Variants in PTPRU observed in about 807,000 individuals in gnomAD.
The protein encoded by PTPRU is protein tyrosine phosphatase receptor type U.
Under a neutral mutation model 166.3 loss-of-function variants are expected in PTPRU, and 69 were observed. That is an observed-to-expected ratio of 0.41 (90% CI 0.34 to 0.51). PTPRU has a LOEUF of 0.51. PTPRU is among the 20% of genes least tolerant of loss of function. The pLI is 0.09. For missense variants in PTPRU, 1,657 were observed against 2,013.7 expected, an observed-to-expected ratio of 0.82 and a Z score of 3.39; for synonymous variants, 793 against 814.0, an observed-to-expected ratio of 0.97 and a Z score of 0.44.
chr1:29,284,696 T>C, intron 13 of PTPRU, 35 bp from the exon 14 acceptor site: 2 of 1,613,960 alleles, frequency 1.2e-6, no homozygotes, highest in Non-Finnish European at 1.7e-6. Context: ...TCCCTGTCTT[T>C]CCTCTGATCC....
intron 1 of PTPRU, among the ~76,000 whole-genome samples, chr1:29,243,931 C>A (rs1233815773): frequency 6.6e-6 from 1 of 152,142 alleles, no homozygotes; most frequent in African/African-American, 2.4e-5. Context: ...TGTGGGAGGA[C>A]CCCTGAGGGG....
chr1:29,279,045 TC>T lies in PTPRU; in HGVS notation c.1488del (p.Phe496LeufsTer7). ...GGGATTGCAGCCGAGTCCCTGACCT[TC>T]ACTCCACTGGAGGACATGATCTTCC... is the stretch of plus-strand genomic sequence containing the variant. The part of the protein sequence containing the change: ...PSGIAAESLT[F>X]TPLEDMIFLK... On this transcript the variant is annotated frameshift_variant, in exon 9 of 30. Transcript: ENST00000373779. LOFTEE classifies it high-confidence loss of function. This position sits in a 1 kb window ranked among gnomAD's most constrained non-coding sequence, Gnocchi z 5.2. 6.3e-7 allele frequency: 1 copy of T among 1,592,812 alleles called. No homozygotes were observed. Among genetic ancestry groups the T allele is most frequent in the Non-Finnish European group, 8.6e-7 (1 of 1,169,212 alleles).
rs1173355033 is a variant in PTPRU, at chr1:29,271,862, G to A, written c.1145-3586G>A. 2.0e-5 allele frequency among the ~76,000 whole-genome samples: 3 copies of A among 152,232 alleles called. No individual in the cohort carries two copies. The highest frequency in any genetic ancestry group is 7.2e-5 in the African/African-American group (3 of 41,450). On this transcript the variant is annotated intron_variant, in intron 7 of 29. Coordinates refer to ENST00000373779, the MANE Select transcript of PTPRU (RefSeq NM_133178.4). The surrounding 1 kb of genome is among the most constrained non-coding windows in gnomAD (Gnocchi z 4.4). ...ATGCTTCTGCCAAGCCCTAGAGGCT[G>A]GAAAGGAATGCAGGGCAGCATTCCA...
Position 29,287,779 on chromosome 1 carries a change from G to A in PTPRU, c.2318+2910G>A, listed in dbSNP as rs1249837088. Among the ~76,000 whole-genome samples, 4 of 150,270 alleles carry A rather than the reference G, an allele frequency of 2.7e-5. No homozygotes were observed. The East Asian group carries it at 7.8e-4, about 29-fold the overall frequency. ...CCAGCTAATTTTTTTTTTATTTTTAGTAGAGACGGGGTTTCACCTTGTTAG... is the reference window on the plus strand; with the variant it reads ...CCAGCTAATTTTTTTTTTATTTTTAATAGAGACGGGGTTTCACCTTGTTAG... On this transcript the variant is annotated intron_variant, in intron 14 of 29. Transcript: ENST00000373779.
chr1:29,247,550 C>T (rs189396318), intron 1 of PTPRU, among the ~76,000 whole-genome samples: 3 of 152,348 alleles, frequency 2.0e-5, no homozygotes, highest in Admixed American at 6.5e-5. Flanking sequence ...GCCCCATGCC[C>T]CTCTACTCTA....
Position 29,260,147 on chromosome 1 carries a change from C to A in PTPRU, c.850+103C>A. ...GGGGGCGTGGCCGTGGGGGGTGGGG[C>A]CGGCAGGGTGTCGCTGGGGCGCTAT... On this transcript the variant is annotated intron_variant, in intron 6 of 29. Transcript: ENST00000373779. The surrounding 1 kb of genome is among the most constrained non-coding windows in gnomAD (Gnocchi z 8.3). 8.3e-7 allele frequency: 1 copy of A among 1,200,976 alleles called. No individual in the cohort carries two copies. The highest frequency in any genetic ancestry group is 1.1e-6 in the Non-Finnish European group (1 of 931,262). 74.4% of individuals were successfully genotyped at this position (1,200,976 alleles called of 1,614,324 possible). A position where few individuals can be genotyped will look rare whatever the true frequency, so the allele number is the denominator to read the frequency against.
chr1:29,292,145 G>A (rs928303998), intron 15 of PTPRU, 119 bp downstream of exon 15: 3 of 1,293,466 alleles, frequency 2.3e-6, no homozygotes, highest in Non-Finnish European at 3.2e-6. Flanking sequence ...AGCATCTGTG[G>A]TGCTCCTGCT....
At chr1:29,241,026 C>CA (rs1430443411) in intron 1 of PTPRU, among the ~76,000 whole-genome samples, 1 of 152,052 alleles carries the variant, frequency 6.6e-6, no homozygotes, top group African/African-American at 2.4e-5. Context: ...TCTGGGCAGT[C>CA]AGAGTGGGGG....
intron 7 of PTPRU, among the ~76,000 whole-genome samples, chr1:29,261,752 C>T (rs532345795): frequency 1.3e-5 from 2 of 152,238 alleles, no homozygotes; most frequent in East Asian, 1.9e-4. Flanking sequence ...AGGCTGGTCA[C>T]AAACTCCTGA....
Position 29,259,689 on chromosome 1 carries a change from G to A in PTPRU, c.675+125G>A, listed in dbSNP as rs141900309. ...ACTCCAGCACTGCGCACAGCGTCCC[G>A]GCCCTCCCCTAGCTCTGCTCTGCGC... On this transcript the variant is annotated intron_variant, in intron 5 of 29. Coordinates refer to ENST00000373779, the MANE Select transcript of PTPRU (RefSeq NM_133178.4). 1.8e-3 allele frequency: 2,240 copies of A among 1,244,282 alleles called. 34 individuals are homozygous for A. The African/African-American group carries it at 0.03, about 17-fold the overall frequency. 77.1% of individuals were successfully genotyped at this position (1,244,282 alleles called of 1,614,324 possible).
Position 29,260,129 on chromosome 1 carries a change from T to TGGCCGGGGGGGGG in PTPRU, c.850+90_850+91insGGGGGGGGGGCCG. ...CGGGGGCGGGCTCTGCCCGGGGGCG[T>TGGCCGGGGGGGGG]GGCCGTGGGGGGTGGGGCCGGCAGG... On this transcript the variant is annotated intron_variant, in intron 6 of 29. Coordinates refer to ENST00000373779, the MANE Select transcript of PTPRU (RefSeq NM_133178.4). The surrounding 1 kb of genome is among the most constrained non-coding windows in gnomAD (Gnocchi z 8.3). 1 of 446,516 alleles carries TGGCCGGGGGGGGG rather than the reference T, an allele frequency of 2.2e-6. No individual in the cohort carries two copies. 27.7% of individuals were successfully genotyped at this position (446,516 alleles called of 1,614,324 possible). A position where few individuals can be genotyped will look rare whatever the true frequency, so the allele number is the denominator to read the frequency against.
At chr1:29,295,183 G>A (rs1257804630) in intron 15 of PTPRU, among the ~76,000 whole-genome samples, 7 of 151,458 alleles carry the variant, frequency 4.6e-5, no homozygotes, top group African/African-American at 7.3e-5. Flanking sequence ...CTACAGGGGC[G>A]CACCACCATG....
chr1:29,307,201 T>G, intron 18 of PTPRU: 1 of 1,566,732 alleles, frequency 6.4e-7, no homozygotes, highest in Non-Finnish European at 8.8e-7. Context: ...TCTGTCTGAC[T>G]GGCTGTATCT....
rs1311828736 is a variant in PTPRU at position 29,315,514 on chromosome 1, G to A, written c.3363+7G>A. 1 of 1,614,124 alleles carries A rather than the reference G, an allele frequency of 6.2e-7. No individual in the cohort carries two copies. Among genetic ancestry groups the A allele is most frequent in the East Asian group, 2.2e-5 (1 of 44,890 alleles). On this transcript the variant is annotated splice_region_variant and intron_variant, in intron 23 of 29. Coordinates refer to ENST00000373779, the MANE Select transcript of PTPRU (RefSeq NM_133178.4). The surrounding 1 kb of genome is among the most constrained non-coding windows in gnomAD (Gnocchi z 4.5). ...CAACATGATCCAGACTGAGGTGCGG[G>A]GACCTGGCCCTGTCCCCACCATTAT...
chr1:29,277,836 T>TTTTTTTTTTTTG (rs1685883864), intron 8 of PTPRU, among the ~76,000 whole-genome samples: 1 of 117,288 alleles, frequency 8.5e-6, no homozygotes, highest in Non-Finnish European at 1.8e-5. Context: ...TTTTTTTTTT[T>TTTTTTTTTTTTG]GAGATGGAGT....
At position 29,260,413 on chromosome 1, in the gene PTPRU, T is replaced by G. The variant is rs1574624563; in HGVS notation, c.851-197T>G. The G allele has an allele frequency of 6.1e-6, 3 of 493,854 alleles. No individual in the cohort carries two copies. Among genetic ancestry groups the G allele is most frequent in the South Asian group, 4.2e-5 (1 of 23,998 alleles). The allele number at this position is 493,854 out of a possible 1,614,324, so 30.6% of individuals were successfully genotyped here. A position where few individuals can be genotyped will look rare whatever the true frequency, so the allele number is the denominator to read the frequency against. On this transcript the variant is annotated intron_variant, in intron 6 of 29. Transcript: ENST00000373779. This position sits in a 1 kb window ranked among gnomAD's most constrained non-coding sequence, Gnocchi z 8.3. ...TGTGGGCTGATGGGCGAGGGCGGGG[T>G]CAGCCTTTGGAGCCAGGTGCCCCTT...
intron 22 of PTPRU, among the ~76,000 whole-genome samples, chr1:29,314,109 G>A (rs11811458): frequency 3.9e-5 from 6 of 151,982 alleles, no homozygotes; most frequent in Admixed American, 1.3e-4. Context: ...GTGGATCATC[G>A]TCCATCAAGT....
chr1:29,305,218 T>A, intron 17 of PTPRU, 134 bp from the exon 18 acceptor site: 1 of 791,896 alleles, frequency 1.3e-6, no homozygotes, highest in African/African-American at 1.7e-5. Context: ...CAGAGACTAC[T>A]GGTAAGCCCT....
chr1:29,267,950 G>A (rs1364130036), intron 7 of PTPRU, among the ~76,000 whole-genome samples: 1 of 152,144 alleles, frequency 6.6e-6, no homozygotes, highest in Non-Finnish European at 1.5e-5. Flanking sequence ...TTATTTTAAA[G>A]GCAGAGCTAA....
Sources: gnomAD v4.1 joint callset for allele counts (sites outside exome capture counted in the v4.1 genomes callset) on GRCh38, gnomAD v4.1.1 for gene constraint, Gnocchi (gnomAD v3.1) non-coding constraint, MANE v1.5 for transcripts, NCBI Gene and HGNC (gene_info 2026-07-23, HGNC 2026-07-21) for gene names.